The following ADCK1 variants were observed in gnomAD, a reference collection of about 807,000 sequenced individuals.
ADCK1 encodes the protein aarF domain containing kinase 1.
Under a neutral mutation model 52.3 loss-of-function variants are expected in ADCK1, and 41 were observed. That is an observed-to-expected ratio of 0.78 (90% CI 0.61 to 1.02). The LOEUF is 1.02. Among genes scored for constraint, ADCK1 ranks in the 50% least tolerant of loss-of-function variants. The pLI, the probability that ADCK1 is intolerant of heterozygous loss-of-function variation, is 0.00. For synonymous variants in ADCK1, 250 were observed against 274.6 expected, an observed-to-expected ratio of 0.91 and a Z score of 0.89; for missense variants, 658 against 679.5, an observed-to-expected ratio of 0.97 and a Z score of 0.35.
At chr14:77,916,387 G>A (rs751399351) in intron 7 of ADCK1, among the ~76,000 whole-genome samples, 7 of 152,106 alleles carry the variant, frequency 4.6e-5, no homozygotes, top group African/African-American at 9.7e-5. Context: ...CTTTCACTAG[G>A]TACCTAGAAG....
intron 3 of ADCK1, among the ~76,000 whole-genome samples, chr14:77,836,481 G>C (rs74989905): frequency 0.018 from 2,744 of 152,282 alleles, 84 homozygotes; most frequent in African/African-American, 0.063. Flanking sequence ...GACGGATGGA[G>C]TGACTTGTTC....
chr14:77,826,296 G>C (rs1204369223), intron 3 of ADCK1, among the ~76,000 whole-genome samples: 2 of 152,222 alleles, frequency 1.3e-5, no homozygotes, highest in East Asian at 3.8e-4. Flanking sequence ...AAAGGAATGA[G>C]TGAAGGGTAA....
intron 5 of ADCK1, among the ~76,000 whole-genome samples, chr14:77,893,447 C>T (rs1417629734): frequency 6.6e-6 from 1 of 152,112 alleles, no homozygotes; most frequent in Non-Finnish European, 1.5e-5. Flanking sequence ...CCAGTTATTT[C>T]TCCAGCTTCT....
At chr14:77,926,054 CTA>C in intron 9 of ADCK1, 93 bp downstream of exon 9, 1 of 1,442,480 alleles carries the variant, frequency 6.9e-7, no homozygotes, top group Non-Finnish European at 9.6e-7. Flanking sequence ...GTCTAAGAGT[CTA>C]GACTGGTGGG....
chr14:77,903,515 G>C (rs1356794731), intron 6 of ADCK1, among the ~76,000 whole-genome samples: 2 of 152,232 alleles, frequency 1.3e-5, no homozygotes, highest in Non-Finnish European at 2.9e-5. Flanking sequence ...GGGTGAGGGG[G>C]CAGCTAGGCT....
At chr14:77,837,197 T>G (rs917493256) in intron 3 of ADCK1, among the ~76,000 whole-genome samples, 66 of 150,728 alleles carry the variant, frequency 4.4e-4, no homozygotes, top group African/African-American at 1.5e-3. Flanking sequence ...TTGCCTAGGC[T>G]GGAGTAGAGT....
chr14:77,813,623 A>G (rs2081380165), intron 1 of ADCK1, among the ~76,000 whole-genome samples: 2 of 152,004 alleles, frequency 1.3e-5, no homozygotes, highest in Non-Finnish European at 2.9e-5. Flanking sequence ...TTCTTAAATT[A>G]TTTCCTTAAA....
chr14:77,882,217 C>G (rs928313430), intron 4 of ADCK1, among the ~76,000 whole-genome samples: 1 of 152,214 alleles, frequency 6.6e-6, no homozygotes, highest in African/African-American at 2.4e-5. Context: ...TCTCTGCTCA[C>G]CAGGCTCCAG....
intron 4 of ADCK1, among the ~76,000 whole-genome samples, chr14:77,882,250 C>T (rs1052893046): frequency 5.9e-5 from 9 of 151,934 alleles, no homozygotes; most frequent in African/African-American, 2.2e-4. Flanking sequence ...GGCACCCAGC[C>T]AGGTGTAGGG....
At chr14:77,925,984 G>A in intron 9 of ADCK1, 23 bp downstream of exon 9, 2 of 1,612,942 alleles carry the variant, frequency 1.2e-6, no homozygotes, top group Non-Finnish European at 1.7e-6. Context: ...TCCAGGCCCT[G>A]CCTCTTCCTA....
chr14:77,915,575 C>T (rs2083904966), intron 7 of ADCK1, among the ~76,000 whole-genome samples: 1 of 152,012 alleles, frequency 6.6e-6, no homozygotes, highest in Non-Finnish European at 1.5e-5. Context: ...GAATACTATG[C>T]AGCCATAAAA....
At chr14:77,905,833 A>T (rs1045740576) in intron 6 of ADCK1, among the ~76,000 whole-genome samples, 3 of 152,166 alleles carry the variant, frequency 2.0e-5, no homozygotes, top group Non-Finnish European at 2.9e-5. Flanking sequence ...CGACAAAGCA[A>T]CAATAGCAAA....
intron 3 of ADCK1, among the ~76,000 whole-genome samples, chr14:77,857,093 G>T (rs1000412937): frequency 2.0e-5 from 3 of 152,208 alleles, no homozygotes; most frequent in African/African-American, 2.4e-5. Context: ...GTGTCGGGAG[G>T]TGGGCGGATG....
Position 77,818,966 on chromosome 14 carries a change from A to G in ADCK1, c.-11-2A>G, listed in dbSNP as rs1237673192. ...CTTTCTCAACTTTCCTTTTTTCTGC[A>G]GGATCTGGCGACATGGCCAGAAAGG... On this transcript the variant is annotated splice_acceptor_variant, in intron 1 of 10. Coordinates refer to ENST00000238561, the MANE Select transcript of ADCK1 (RefSeq NM_020421.4). LOFTEE classifies it low-confidence loss of function (5UTR_SPLICE). The G allele has an allele frequency of 3.1e-6, 5 of 1,608,550 alleles. No homozygotes were observed. Among genetic ancestry groups the G allele is most frequent in the East Asian group, 4.5e-5 (2 of 44,844 alleles).
chr14:77,815,035 C>T (rs936753747), intron 1 of ADCK1, among the ~76,000 whole-genome samples: 5 of 149,616 alleles, frequency 3.3e-5, no homozygotes, highest in African/African-American at 4.9e-5. Context: ...TACAGAGGCA[C>T]GTGACACCAC....
At position 77,887,236 on chromosome 14, in the gene ADCK1, T is replaced by A; in HGVS notation, c.569T>A (p.Ile190Asn). Residue 190 changes from isoleucine to asparagine, a missense_variant, in exon 5 of 11, where the codon ATT (isoleucine) becomes AAT (asparagine). Transcript: ENST00000238561. ...GTGCGGGCTCAGAGCTCGAAGGACA[T>A]TCTCCTGATGGAGGTGAGAGCCCTC... ...PKVRAQSSKD[I>N]LLMEVLVLAV... 1 of 1,583,924 alleles carries A rather than the reference T, an allele frequency of 6.3e-7. No homozygotes were observed. The highest frequency in any genetic ancestry group is 8.6e-7 in the Non-Finnish European group (1 of 1,165,260).
chr14:77,907,439 G>C (rs759771443), intron 6 of ADCK1, among the ~76,000 whole-genome samples: 17 of 152,242 alleles, frequency 1.1e-4, no homozygotes, highest in Non-Finnish European at 1.0e-4. Context: ...AAGTAGGCCT[G>C]GTGGCGGGAT....
At chr14:77,900,754 G>A (rs891939107) in intron 6 of ADCK1, 1 of 365,652 alleles carries the variant, frequency 2.7e-6, no homozygotes, top group Admixed American at 3.6e-5. Flanking sequence ...TCTCGCAGAT[G>A]ATAGTACACA....
chr14:77,880,163 C>T (rs1382624412), intron 4 of ADCK1, among the ~76,000 whole-genome samples: 2 of 152,214 alleles, frequency 1.3e-5, no homozygotes, highest in Admixed American at 1.3e-4. Context: ...CTTTTCTTCC[C>T]TACCTGTCAG....
Sources: gnomAD v4.1 joint callset for allele counts (sites outside exome capture counted in the v4.1 genomes callset) on GRCh38, gnomAD v4.1.1 for gene constraint, MANE v1.5 for transcripts, NCBI Gene and HGNC (gene_info 2026-07-23, HGNC 2026-07-21) for gene names.